ZNF462: variants seen among roughly 807,000 people sequenced by gnomAD.
The protein encoded by ZNF462 is zinc finger PBX1-interacting protein.
A neutral mutation model predicts 201.9 loss-of-function variants in ZNF462; 10 were observed. The ratio of observed to expected loss-of-function variants is 0.05; its 90% confidence interval spans 0.03 to 0.08. The LOEUF (loss-of-function observed/expected upper bound fraction) is 0.08. Among genes scored for constraint, ZNF462 ranks in the 10% least tolerant of loss-of-function variants. The probability of loss-of-function intolerance (pLI) is 1.00; values close to 1 mark genes in which losing one functional copy is unlikely to be tolerated. For missense variants in ZNF462, 2,523 were observed against 3,168.3 expected (o/e 0.80, Z 4.89); for synonymous variants, 1,227 against 1,193.3 (o/e 1.03, Z -0.58).
In ZNF462 at chr9:106,938,928, A is replaced by C; in HGVS notation, c.6248A>C (p.Tyr2083Ser). 1 of 1,609,546 alleles carries C rather than the reference A, an allele frequency of 6.2e-7. No individual in the cohort carries two copies. Among genetic ancestry groups the C allele is most frequent in the Non-Finnish European group, 8.5e-7 (1 of 1,177,898 alleles). The change falls in exon 7 of 13, where the codon TAC becomes TCC. Residue 2083 changes from tyrosine to serine, a missense_variant. Physicochemically the swap from Tyr to Ser is moderately radical, Grantham distance 144. This residue lies in a region of ZNF462 where 138 missense variants were observed against 146.3 expected (regional missense o/e 0.94). Transcript: ENST00000277225. The surrounding 1 kb of genome is among the most constrained non-coding windows in gnomAD (Gnocchi z 4.4). ...CATCCTCTTCCAGGTGAGCATGCCT[A>C]CAAGTGTTCTTGGTGCTCATTCTCC... is the stretch of plus-strand genomic sequence containing the variant. ...ILKAHAGEHA[Y>S]KCSWCSFSTM...
Position 107,009,342 on chromosome 9 carries a change from C to A in ZNF462, c.7190-203C>A. ...GTGAGGCGAAATGAGGTCTTGGGGC[C>A]CAAGAACCAGAAACAGTTCTCGAAT... On this transcript the variant is annotated intron_variant, in intron 11 of 12. Transcript: ENST00000277225. The surrounding 1 kb of genome is among the most constrained non-coding windows in gnomAD (Gnocchi z 6.1). 3 of 613,302 alleles carry A rather than the reference C, an allele frequency of 4.9e-6. No individual in the cohort carries two copies. The South Asian group carries it at 9.2e-5, about 19-fold the overall frequency. The allele number at this position is 613,302 out of a possible 1,614,324, so 38.0% of individuals were successfully genotyped here. A position where few individuals can be genotyped will look rare whatever the true frequency, so the allele number is the denominator to read the frequency against.
chr9:106,860,470 C>T (rs1225068929), upstream of ZNF462, among the ~76,000 whole-genome samples: 1 of 152,078 alleles, frequency 6.6e-6, no homozygotes, highest in East Asian at 1.9e-4. The surrounding 1 kb of genome is among the most constrained non-coding windows in gnomAD (Gnocchi z 7.1). Flanking sequence ...TTTCTCCCTC[C>T]CCACCGCCTG....
At chr9:106,912,522 G>C (rs938825832) in intron 1 of ZNF462, among the ~76,000 whole-genome samples, 2 of 152,134 alleles carry the variant, frequency 1.3e-5, no homozygotes, top group Admixed American at 1.3e-4. Flanking sequence ...GAGAATATAC[G>C]GGGCATGGAC....
At position 106,972,792 on chromosome 9, in the gene ZNF462, C is replaced by T. The variant is rs1053607021; in HGVS notation, c.6695+520C>T. On this transcript the variant is annotated intron_variant, in intron 8 of 12. Coordinates refer to ENST00000277225, the MANE Select transcript of ZNF462 (RefSeq NM_021224.6). The surrounding 1 kb of genome is among the most constrained non-coding windows in gnomAD (Gnocchi z 4.8). ...CTTGAGCAATCATAGGGAGATTGCT[C>T]CAGTCTAGAAAAAGAGAATCCATAG... Among the ~76,000 whole-genome samples the T allele has an allele frequency of 6.6e-6, 1 of 152,102 alleles. No homozygotes were observed. The highest frequency in any genetic ancestry group is 6.5e-5 in the Admixed American group (1 of 15,276).
chr9:106,989,144 TC>T (rs1354251609), intron 10 of ZNF462, among the ~76,000 whole-genome samples: 3 of 152,172 alleles, frequency 2.0e-5, no homozygotes, highest in Admixed American at 6.6e-5. Context: ...TTTCAACTTT[TC>T]CCCATTCAGT....
intron 1 of ZNF462, among the ~76,000 whole-genome samples, chr9:106,894,990 A>G (rs929027303): frequency 6.6e-6 from 1 of 152,288 alleles, no homozygotes; most frequent in African/African-American, 2.4e-5. Flanking sequence ...TGATTTTTTA[A>G]TCTGACGCTG....
chr9:107,002,236 A>G (rs1464551776), intron 10 of ZNF462, among the ~76,000 whole-genome samples: 2 of 152,132 alleles, frequency 1.3e-5, no homozygotes, highest in Non-Finnish European at 2.9e-5. Context: ...CTCGGAATCT[A>G]ATTAATGATG....
At chr9:106,908,648 C>T (rs1415792039) in intron 1 of ZNF462, among the ~76,000 whole-genome samples, 1 of 151,640 alleles carries the variant, frequency 6.6e-6, no homozygotes, top group East Asian at 1.9e-4. Context: ...TGATATATCA[C>T]ATATACCTAA....
At position 106,993,172 on chromosome 9, in the gene ZNF462, T is replaced by C. The variant is rs912483183; in HGVS notation, c.7056+8763T>C. Among the ~76,000 whole-genome samples, 1 of 152,124 alleles carries C rather than the reference T, an allele frequency of 6.6e-6. No homozygotes were observed. The highest frequency in any genetic ancestry group is 2.4e-5 in the African/African-American group (1 of 41,442). ...GGATTTCATTAAAAAGAACTGAACA[T>C]TCAAAACTGGACTTCTGAATTCTGC... On this transcript the variant is annotated intron_variant, in intron 10 of 12. Transcript: ENST00000277225. The surrounding 1 kb of genome is among the most constrained non-coding windows in gnomAD (Gnocchi z 4.0).
intron 10 of ZNF462, among the ~76,000 whole-genome samples, chr9:106,987,423 C>G (rs1430448179): frequency 1.3e-5 from 2 of 152,062 alleles, no homozygotes; most frequent in African/African-American, 4.8e-5. Context: ...ATTAGTGATG[C>G]TGAGCATTTT....
intron 1 of ZNF462, among the ~76,000 whole-genome samples, chr9:106,864,934 G>A (rs987293002): frequency 3.3e-5 from 5 of 152,100 alleles, no homozygotes; most frequent in Non-Finnish European, 5.9e-5. Context: ...GGAGGAGAGC[G>A]GGTTTCCAGG....
rs371264064 is a variant in ZNF462, at chr9:106,926,874, A to C, written c.2962A>C (p.Met988Leu). 17 of 1,614,034 alleles carry C rather than the reference A, an allele frequency of 1.1e-5. No homozygotes were observed. The highest frequency in any genetic ancestry group is 1.7e-5 in the Admixed American group (1 of 60,004). ...REILNSAPKNMATSTPVARGG... is the reference protein window; with the variant it reads ...REILNSAPKNLATSTPVARGG... ...GATTCTGAATTCGGCTCCCAAGAAC[A>C]TGGCGACTTCCACACCTGTGGCTCG... Residue 988 changes from methionine (M) to leucine (L), a missense_variant, in exon 3 of 13, where the codon ATG (methionine) becomes CTG (leucine). Met to Leu is a conservative substitution (Grantham distance 15). Coordinates refer to ENST00000277225, the MANE Select transcript of ZNF462 (RefSeq NM_021224.6). This position sits in a 1 kb window ranked among gnomAD's most constrained non-coding sequence, Gnocchi z 7.9.
intron 8 of ZNF462, among the ~76,000 whole-genome samples, chr9:106,973,211 T>C (rs547431472): frequency 1.1e-4 from 17 of 152,230 alleles, no homozygotes; most frequent in African/African-American, 4.1e-4. Flanking sequence ...TAAAAAGCTA[T>C]TATTTTCTGT....
chr9:106,879,417 C>T (rs1035870705), intron 1 of ZNF462, among the ~76,000 whole-genome samples: 3 of 142,894 alleles, frequency 2.1e-5, no homozygotes, highest in African/African-American at 7.8e-5. Flanking sequence ...GTGCATGGTC[C>T]ATGGCAAAAC....
At chr9:106,991,635 ACT>A (rs1715904535) in intron 10 of ZNF462, among the ~76,000 whole-genome samples, 1 of 151,924 alleles carries the variant, frequency 6.6e-6, no homozygotes, top group Non-Finnish European at 1.5e-5. Flanking sequence ...TGATTTCAAA[ACT>A]CACTGTAAAT....
intron 1 of ZNF462, among the ~76,000 whole-genome samples, chr9:106,877,798 G>C (rs1024735906): frequency 6.6e-6 from 1 of 152,136 alleles, no homozygotes; most frequent in African/African-American, 2.4e-5. Context: ...CAAATCTCTA[G>C]GATTCTCCTA....
chr9:106,974,949 A>G lies in ZNF462; in HGVS notation c.6832+676A>G, dbSNP rs1209618567. ...ATAATGGATGCATAATGACTGCTCA[A>G]TAAATGTTGGTTCCTGCTGATAAAC... On this transcript the variant is annotated intron_variant, in intron 9 of 12. Transcript: ENST00000277225. This position sits in a 1 kb window ranked among gnomAD's most constrained non-coding sequence, Gnocchi z 4.0. 6.6e-6 allele frequency: 1 copy of G among 152,254 alleles called. No homozygotes were observed. Among genetic ancestry groups the G allele is most frequent in the African/African-American group, 2.4e-5 (1 of 41,446 alleles). 9.4% of individuals were successfully genotyped at this position (152,254 alleles called of 1,614,324 possible). A position where few individuals can be genotyped will look rare whatever the true frequency, so the allele number is the denominator to read the frequency against.
rs1830356743 is a variant in ZNF462 at position 106,929,951 on chromosome 9, TCTC to T, written c.5847+197_5847+199del. Among the ~76,000 whole-genome samples, 1 of 152,044 alleles carries T rather than the reference TCTC, an allele frequency of 6.6e-6. No individual in the cohort carries two copies. Among genetic ancestry groups the T allele is most frequent in the Admixed American group, 6.6e-5 (1 of 15,262 alleles). On this transcript the variant is annotated intron_variant, in intron 3 of 12. Transcript: ENST00000277225. This position sits in a 1 kb window ranked among gnomAD's most constrained non-coding sequence, Gnocchi z 8.7. The stretch of plus-strand genomic sequence containing the variant: ...GTGCTCACCCCTCTCCTTGGTCCCT[TCTC>T]CTCCCTCCTTCCCTTTGACTCCTCC...
In ZNF462 at chr9:106,932,519, A is replaced by T. The variant is rs1168671769; in HGVS notation, c.6086A>T (p.Tyr2029Phe). 6 of 1,614,204 alleles carry T rather than the reference A, an allele frequency of 3.7e-6. No homozygotes were observed. The highest frequency in any genetic ancestry group is 5.1e-6 in the Non-Finnish European group (6 of 1,180,036). ...FTREDKYSCQ[Y>F]CSFVSAFRHN... ...CGCGAGGACAAGTACAGCTGCCAGT[A>T]TTGCTCGTTTGTTTCTGCTTTCAGG... The change falls in exon 5 of 13, where the codon TAT (tyrosine) becomes TTT (phenylalanine). Residue 2029 changes from tyrosine to phenylalanine, a missense_variant. This residue lies in a region of ZNF462 where 107 missense variants were observed against 187.7 expected (regional missense o/e 0.57). Transcript: ENST00000277225. The surrounding 1 kb of genome is among the most constrained non-coding windows in gnomAD (Gnocchi z 6.8).
Sources: allele counts gnomAD v4.1 joint callset (sites outside exome capture counted in the v4.1 genomes callset), GRCh38; gene constraint gnomAD v4.1.1; regional missense constraint gnomAD v4.1.1; non-coding constraint Gnocchi (gnomAD v3.1); transcripts MANE v1.5; gene names NCBI Gene and HGNC (gene_info 2026-07-23, HGNC 2026-07-21).